ARL10: variants seen among roughly 807,000 people sequenced by gnomAD.
The protein encoded by ARL10 is ARF like GTPase 10.
ARL10 carries 23 observed loss-of-function variants against 26.1 expected under a neutral mutation model. That is an observed-to-expected ratio of 0.88 (90% CI 0.63 to 1.25). The LOEUF (loss-of-function observed/expected upper bound fraction) is 1.25. ARL10 is among the 50% of genes most tolerant of loss of function. ARL10 has a pLI of 0.00. For missense variants in ARL10, 300 were observed against 323.6 expected (o/e 0.93, Z 0.56); for synonymous variants, 138 against 149.1 (o/e 0.93, Z 0.54).
chr5:176,393,050 C>G, downstream of ARL10: 1 of 1,292,700 alleles, frequency 7.7e-7, no homozygotes, highest in Non-Finnish European at 1.1e-6. The surrounding 1 kb of genome is among the most constrained non-coding windows in gnomAD (Gnocchi z 4.4). Context: ...CTGTGTCCTC[C>G]CCAGCCTTGT....
At position 176,374,407 on chromosome 5, in the gene ARL10, T is replaced by C. The variant is rs1365617185; in HGVS notation, c.*2512T>C. The C allele has an allele frequency of 6.6e-6, 1 of 152,250 alleles. No individual in the cohort carries two copies. The highest frequency in any genetic ancestry group is 2.4e-5 in the African/African-American group (1 of 41,462). 9.4% of individuals were successfully genotyped at this position (152,250 alleles called of 1,614,324 possible). On this transcript the variant is annotated 3_prime_UTR_variant, in exon 4 of 4. Coordinates refer to ENST00000310389, the MANE Select transcript of ARL10 (RefSeq NM_173664.6). The stretch of plus-strand genomic sequence containing the variant: ...CTGTATGTCTTCATGTTTCTGTTAC[T>C]CTAACCGTAATGAGACCATTTGAGG...
intron 1 of ARL10, among the ~76,000 whole-genome samples, chr5:176,401,191 C>T (rs1245775040): frequency 2.0e-5 from 3 of 152,250 alleles, no homozygotes; most frequent in Non-Finnish European, 4.4e-5. Flanking sequence ...ACCAGGGACT[C>T]CTCCCAGCAC....
At chr5:176,389,367 T>G, downstream of ARL10, 1 of 1,614,100 alleles carries the variant, frequency 6.2e-7, no homozygotes, top group Non-Finnish European at 8.5e-7. Flanking sequence ...ACCTACGGCC[T>G]CTACTCCTTC....
chr5:176,391,713 C>T (rs1381834995), downstream of ARL10, among the ~76,000 whole-genome samples: 1 of 152,212 alleles, frequency 6.6e-6, no homozygotes, highest in Non-Finnish European at 1.5e-5. Flanking sequence ...GGTGATGCGT[C>T]TGCCAGCTAA....
At position 176,372,049 on chromosome 5, in the gene ARL10, A is replaced by T. The variant is rs1768564511; in HGVS notation, c.*154A>T. 6.9e-7 allele frequency: 1 copy of T among 1,442,010 alleles called. No homozygotes were observed. Among genetic ancestry groups the T allele is most frequent in the South Asian group, 1.5e-5 (1 of 67,172 alleles). 89.3% of individuals were successfully genotyped at this position (1,442,010 alleles called of 1,614,324 possible). A position where few individuals can be genotyped will look rare whatever the true frequency, so the allele number is the denominator to read the frequency against. On this transcript the variant is annotated 3_prime_UTR_variant, in exon 4 of 4. Transcript: ENST00000310389. Reference sequence around the variant, plus strand: ...AGAGCAGGGCCTGGGCAAGGCCAAGAACCATGCAGAAGCCTTCCTGGTGAG... The same window carrying T: ...AGAGCAGGGCCTGGGCAAGGCCAAGTACCATGCAGAAGCCTTCCTGGTGAG...
downstream of ARL10, chr5:176,389,420 C>T (rs899892391): frequency 6.2e-7 from 1 of 1,614,066 alleles, no homozygotes; most frequent in African/African-American, 1.3e-5. Flanking sequence ...GATGCGCACC[C>T]GGATCGCCGC....
chr5:176,372,916 G>A lies in ARL10; in HGVS notation c.*1021G>A. On this transcript the variant is annotated 3_prime_UTR_variant, in exon 4 of 4. Transcript: ENST00000310389. Reference sequence around the variant, plus strand: ...AACTTAGGAAAATAGCTGGAATCATGAATGACAATGAGATAACATACAGAT... The same window carrying A: ...AACTTAGGAAAATAGCTGGAATCATAAATGACAATGAGATAACATACAGAT... 2.5e-6 allele frequency: 1 copy of A among 398,698 alleles called. No individual in the cohort carries two copies. The highest frequency in any genetic ancestry group is 1.3e-4 in the South Asian group (1 of 7,856). The allele number at this position is 398,698 out of a possible 1,614,324, so 24.7% of individuals were successfully genotyped here. A position where few individuals can be genotyped will look rare whatever the true frequency, so the allele number is the denominator to read the frequency against.
At chr5:176,409,603 C>T in the ARL10 span, among the ~76,000 whole-genome samples, 27 of 151,882 alleles carry the variant, frequency 1.8e-4, no homozygotes, top group South Asian at 6.2e-4. Context: ...TTAGTAAAGA[C>T]GGGGTTTCAC....
intron 1 of ARL10, among the ~76,000 whole-genome samples, chr5:176,397,241 G>T (rs1756567149): frequency 6.6e-6 from 1 of 152,058 alleles, no homozygotes; most frequent in Non-Finnish European, 1.5e-5. Context: ...GGAAGACCTT[G>T]TACCGTGAAG....
chr5:176,392,515 T>C (rs1027804484), downstream of ARL10: 3 of 500,876 alleles, frequency 6.0e-6, no homozygotes, highest in Non-Finnish European at 1.1e-5. This position sits in a 1 kb window ranked among gnomAD's most constrained non-coding sequence, Gnocchi z 5.2. Flanking sequence ...CAACACACCC[T>C]TTAAGCCAAG....
chr5:176,410,429 C>G, the ARL10 span: 1 of 684,460 alleles, frequency 1.5e-6, no homozygotes, highest in African/African-American at 1.8e-5. Context: ...CACATGCAAA[C>G]AGACATAATG....
Position 176,368,923 on chromosome 5 carries a change from C to T in ARL10, c.502C>T (p.Leu168=). Residue 168 remains leucine (L), a synonymous_variant, in exon 3 of 4, where the codon CTG becomes TTG. Coordinates refer to ENST00000310389, the MANE Select transcript of ARL10 (RefSeq NM_173664.6). This position sits in a 1 kb window ranked among gnomAD's most constrained non-coding sequence, Gnocchi z 4.1. ...GCGGCTGCCCTGGGCCCGACAGGAG[C>T]TGCACAAGCTGCTGGACAAGGACCC... ...RLRLPWARQE[L]HKLLDKDPDL... is the part of the protein sequence containing the mutation. 6.2e-7 allele frequency: 1 copy of T among 1,614,044 alleles called. No homozygotes were observed. The highest frequency in any genetic ancestry group is 8.5e-7 in the Non-Finnish European group (1 of 1,180,020).
downstream of ARL10, among the ~76,000 whole-genome samples, chr5:176,391,942 A>G (rs564754644): frequency 1.3e-5 from 2 of 152,358 alleles, no homozygotes; most frequent in African/African-American, 4.8e-5. Flanking sequence ...CTTTTTAAAC[A>G]TCATGCAGGT....
At chr5:176,385,179 A>T, downstream of ARL10, 1 of 1,134,012 alleles carries the variant, frequency 8.8e-7, no homozygotes, top group Non-Finnish European at 1.3e-6. Flanking sequence ...CGAATGGTCC[A>T]GGGCGCCTTC....
intron 1 of ARL10, among the ~76,000 whole-genome samples, 168 bp downstream of exon 1, chr5:176,365,914 C>G (rs1412767684): frequency 6.6e-6 from 1 of 152,172 alleles, no homozygotes; most frequent in East Asian, 1.9e-4. Context: ...GCGGTCAGAG[C>G]CCGGGAACCG....
At chr5:176,386,865 A>T (rs891644671), downstream of ARL10, 3 of 1,614,020 alleles carry the variant, frequency 1.9e-6, no homozygotes, top group Admixed American at 5.0e-5. Context: ...GCTTCCGTAC[A>T]AGCTCTTTAG....
rs569888236 is a variant in ARL10, at chr5:176,381,578, T to C, written c.*9683T>C. On this transcript the variant is annotated 3_prime_UTR_variant, in exon 4 of 4. Transcript: ENST00000310389. ...GGCATACAGAGATAGCCTGACTGGC[T>C]GCAGTCTGGCGTCTGCCTTCTTTGG... is the stretch of plus-strand genomic sequence containing the variant. 1.3e-5 allele frequency: 2 copies of C among 152,396 alleles called. No individual in the cohort carries two copies. The highest frequency in any genetic ancestry group is 3.9e-4 in the East Asian group (2 of 5,192). 9.4% of individuals were successfully genotyped at this position (152,396 alleles called of 1,614,324 possible). A position where few individuals can be genotyped will look rare whatever the true frequency, so the allele number is the denominator to read the frequency against.
At chr5:176,397,942 G>A (rs764264621) in intron 1 of ARL10, 2 of 1,613,798 alleles carry the variant, frequency 1.2e-6, no homozygotes, top group Non-Finnish European at 1.7e-6. Context: ...AGCTCTTGCA[G>A]CCGTTTCCTC....
intron 1 of ARL10, chr5:176,397,959 T>C: frequency 6.2e-7 from 1 of 1,613,982 alleles, no homozygotes; most frequent in Non-Finnish European, 8.5e-7. Flanking sequence ...CCTCTGCTCC[T>C]CTCGCCACTT....
Sources: allele counts gnomAD v4.1 joint callset (sites outside exome capture counted in the v4.1 genomes callset), GRCh38; gene constraint gnomAD v4.1.1; non-coding constraint Gnocchi (gnomAD v3.1); transcripts MANE v1.5; gene names NCBI Gene and HGNC (gene_info 2026-07-23, HGNC 2026-07-21).